The following LHX4 variants were observed in gnomAD, a reference collection of about 807,000 sequenced individuals.
The protein encoded by LHX4 is LIM/homeobox protein Lhx4.
A neutral mutation model predicts 39.2 loss-of-function variants in LHX4; 16 were observed. That is an observed-to-expected ratio of 0.41 (90% CI 0.28 to 0.62). The LOEUF (loss-of-function observed/expected upper bound fraction) is 0.62. Among genes scored for constraint, LHX4 ranks in the 20% least tolerant of loss-of-function variants. LHX4 has a pLI of 0.33. For synonymous variants in LHX4, 206 were observed against 198.1 expected, an observed-to-expected ratio of 1.04 and a Z score of -0.33; for missense variants, 439 against 511.9, an observed-to-expected ratio of 0.86 and a Z score of 1.37.
intron 1 of LHX4, among the ~76,000 whole-genome samples, chr1:180,246,706 G>C (rs1211457339): frequency 6.6e-6 from 1 of 152,150 alleles, no homozygotes; most frequent in Non-Finnish European, 1.5e-5. Flanking sequence ...GCAAGACTCT[G>C]TCTCAAAACA....
At chr1:180,230,001 C>T (rs1664134078), upstream of LHX4, among the ~76,000 whole-genome samples, 1 of 142,970 alleles carries the variant, frequency 7.0e-6, no homozygotes, top group African/African-American at 2.6e-5. This position sits in a 1 kb window ranked among gnomAD's most constrained non-coding sequence, Gnocchi z 5.8. Context: ...CCCCGCCCCG[C>T]TCCCTGCCGC....
chr1:180,229,923 G>A (rs1356720346), upstream of LHX4, among the ~76,000 whole-genome samples: 2 of 146,482 alleles, frequency 1.4e-5, no homozygotes, highest in Admixed American at 1.3e-4. Flanking sequence ...CCCAGGGCGC[G>A]AGCCCGCCAC....
intron 2 of LHX4, among the ~76,000 whole-genome samples, chr1:180,257,435 C>A (rs983017366): frequency 7.9e-5 from 12 of 152,134 alleles, no homozygotes; most frequent in Non-Finnish European, 1.6e-4. Context: ...GGGGCTGTGT[C>A]CCCAGCCCCC....
chr1:180,249,801 C>T (rs547179698), intron 2 of LHX4, among the ~76,000 whole-genome samples: 11 of 152,318 alleles, frequency 7.2e-5, no homozygotes, highest in African/African-American at 1.2e-4. Flanking sequence ...GGCTGCCTCC[C>T]CGCCTGTGTG....
chr1:180,274,638 A>G lies in LHX4; in HGVS notation c.*59A>G. ...GCTTGAGAGAATATCTTCAAGGATC[A>G]AAAGAGACTTGCCTTTTAAGGATCG... On this transcript the variant is annotated 3_prime_UTR_variant, in exon 6 of 6. Transcript: ENST00000263726. 6.7e-7 allele frequency: 1 copy of G among 1,484,936 alleles called. No homozygotes were observed. Among genetic ancestry groups the G allele is most frequent in the African/African-American group, 1.4e-5 (1 of 71,442 alleles). The allele number at this position is 1,484,936 out of a possible 1,614,324, so 92.0% of individuals were successfully genotyped here.
At position 180,230,565 on chromosome 1, in the gene LHX4, TGTC is replaced by T. The variant is rs753067543; in HGVS notation, c.37_39del (p.Val13del). On this transcript the variant is annotated inframe_deletion, in exon 1 of 6. Transcript: ENST00000263726. The surrounding 1 kb of genome is among the most constrained non-coding windows in gnomAD (Gnocchi z 5.8). ...GTGCGACTGTCCCCGCGGAAGGGGC[TGTC>T]AAGGGGCTCCCGGAGATGCTAGGTG... The T allele has an allele frequency of 2.7e-5, 44 of 1,613,834 alleles. 1 individual carries two copies. The highest frequency in any genetic ancestry group is 4.0e-5 in the African/African-American group (3 of 74,920).
At chr1:180,231,837 G>C (rs1331931260) in intron 1 of LHX4, among the ~76,000 whole-genome samples, 1 of 152,174 alleles carries the variant, frequency 6.6e-6, no homozygotes. Flanking sequence ...CAGGGTTTCT[G>C]TCCGGCGATC....
rs375216188 is a variant in LHX4 at position 180,272,004 on chromosome 1, G to A, written c.776G>A (p.Arg259Gln). ...CGVSDSELSF[R>Q]EDQILSELGH... The stretch of plus-strand genomic sequence containing the variant: ...GTTAGTGACAGTGAGCTGAGCTTCC[G>A]AGGTGAGCAGGGCTGGAGGGGCCAG... The change falls in exon 5 of 6, where the codon CGA (arginine) becomes CAA (glutamine). Residue 259 changes from arginine to glutamine, a missense_variant and splice_region_variant. By Grantham distance (43) the Arg-to-Gln change is conservative. Coordinates refer to ENST00000263726, the MANE Select transcript of LHX4 (RefSeq NM_033343.4). 94 of 1,611,998 alleles carry A rather than the reference G, an allele frequency of 5.8e-5. No homozygotes were observed. Among genetic ancestry groups the A allele is most frequent in the African/African-American group, 3.9e-4 (29 of 74,870 alleles).
chr1:180,252,516 T>C (rs947791547), intron 2 of LHX4, among the ~76,000 whole-genome samples: 1 of 152,160 alleles, frequency 6.6e-6, no homozygotes, highest in Non-Finnish European at 1.5e-5. Flanking sequence ...CCTAGCCCTG[T>C]TCAGAGGTGG....
chr1:180,266,982 A>G lies in LHX4; in HGVS notation c.451+388A>G, dbSNP rs1558220887. On this transcript the variant is annotated intron_variant, in intron 3 of 5. Transcript: ENST00000263726. The surrounding 1 kb of genome is among the most constrained non-coding windows in gnomAD (Gnocchi z 5.7). ...ACGTGGGGCTGCCGCTTAGTTTTGC[A>G]CATCAGGGTGCACATGGACCTCTCA... is the stretch of plus-strand genomic sequence containing the variant. Among the ~76,000 whole-genome samples the G allele has an allele frequency of 6.6e-6, 1 of 152,126 alleles. No homozygotes were observed. The highest frequency in any genetic ancestry group is 6.5e-5 in the Admixed American group (1 of 15,270).
At chr1:180,274,118 T>C (rs996423475) in intron 5 of LHX4, 67 bp from the exon 6 acceptor site, 11 of 1,590,740 alleles carry the variant, frequency 6.9e-6, no homozygotes, top group African/African-American at 5.4e-5. Flanking sequence ...TGTTCCTAGG[T>C]TGTGAAGAGC....
In LHX4 at chr1:180,232,093, CA is replaced by C. The variant is rs1664197306; in HGVS notation, c.76+1489del. ...CTACGCCCCACACCCCGCACACAGG[CA>C]GGGACAGAGTGGGTTCTCAGCCCCT... On this transcript the variant is annotated intron_variant, in intron 1 of 5. Transcript: ENST00000263726. This position sits in a 1 kb window ranked among gnomAD's most constrained non-coding sequence, Gnocchi z 5.4. Among the ~76,000 whole-genome samples the C allele has an allele frequency of 1.3e-5, 2 of 152,180 alleles. No homozygotes were observed. The highest frequency in any genetic ancestry group is 4.8e-5 in the African/African-American group (2 of 41,420).
rs576678600 is a variant in LHX4, at chr1:180,266,264, G to A, written c.249-128G>A. 1 of 856,740 alleles carries A rather than the reference G, an allele frequency of 1.2e-6. No individual in the cohort carries two copies. Among genetic ancestry groups the A allele is most frequent in the Admixed American group, 1.8e-5 (1 of 55,012 alleles). 53.1% of individuals were successfully genotyped at this position (856,740 alleles called of 1,614,324 possible). A position where few individuals can be genotyped will look rare whatever the true frequency, so the allele number is the denominator to read the frequency against. On this transcript the variant is annotated intron_variant, in intron 2 of 5. Coordinates refer to ENST00000263726, the MANE Select transcript of LHX4 (RefSeq NM_033343.4). The surrounding 1 kb of genome is among the most constrained non-coding windows in gnomAD (Gnocchi z 5.7). ...AGAGAGGACCAGACGGTAAGCTCTG[G>A]GTGACTGGGGGGTGAGGCTCATGGA...
chr1:180,257,635 A>G (rs1392299297), intron 2 of LHX4, among the ~76,000 whole-genome samples: 2 of 152,256 alleles, frequency 1.3e-5, no homozygotes, highest in Non-Finnish European at 2.9e-5. Context: ...TTTCCTGTCA[A>G]GTGTGGTGAT....
At position 180,278,232 on chromosome 1, in the gene LHX4, C is replaced by T. The variant is rs1265901503; in HGVS notation, c.*3653C>T. 4 of 152,154 alleles carry T rather than the reference C, an allele frequency of 2.6e-5. No individual in the cohort carries two copies. Among genetic ancestry groups the T allele is most frequent in the Admixed American group, 6.5e-5 (1 of 15,286 alleles). 9.4% of individuals were successfully genotyped at this position (152,154 alleles called of 1,614,324 possible). A position where few individuals can be genotyped will look rare whatever the true frequency, so the allele number is the denominator to read the frequency against. On this transcript the variant is annotated 3_prime_UTR_variant, in exon 6 of 6. Transcript: ENST00000263726. The stretch of plus-strand genomic sequence containing the variant: ...ACACTGCACTTTAAAAATTGGAAAC[C>T]GTGAGATGAAGAAAAATTCAATTAA...
At chr1:180,236,944 C>G (rs1008902601) in intron 1 of LHX4, among the ~76,000 whole-genome samples, 1 of 152,144 alleles carries the variant, frequency 6.6e-6, no homozygotes, top group Non-Finnish European at 1.5e-5. Flanking sequence ...GCCGTTGAGG[C>G]GATTTTACTT....
Position 180,230,665 on chromosome 1 carries a change from G to T in LHX4, c.76+60G>T. The T allele has an allele frequency of 6.6e-7, 1 of 1,515,730 alleles. No individual in the cohort carries two copies. The highest frequency in any genetic ancestry group is 2.3e-5 in the East Asian group (1 of 43,972). The allele number at this position is 1,515,730 out of a possible 1,614,324, so 93.9% of individuals were successfully genotyped here. On this transcript the variant is annotated intron_variant, in intron 1 of 5. Transcript: ENST00000263726. This position sits in a 1 kb window ranked among gnomAD's most constrained non-coding sequence, Gnocchi z 5.8. ...AACAAGACAGCTAGCAGCCTCAGCCGCTGCGGGGCGGGCCGGACGCCGCTC... is the reference window on the plus strand; with the variant it reads ...AACAAGACAGCTAGCAGCCTCAGCCTCTGCGGGGCGGGCCGGACGCCGCTC...
intron 2 of LHX4, among the ~76,000 whole-genome samples, chr1:180,255,274 A>G (rs1647798060): frequency 6.6e-6 from 1 of 152,222 alleles, no homozygotes; most frequent in South Asian, 2.1e-4. Flanking sequence ...TGAGCCACTT[A>G]TTATTTCTGA....
rs1438733953 is a variant in LHX4 at position 180,276,846 on chromosome 1, ATCC to A, written c.*2273_*2275del. On this transcript the variant is annotated 3_prime_UTR_variant, in exon 6 of 6. Coordinates refer to ENST00000263726, the MANE Select transcript of LHX4 (RefSeq NM_033343.4). ...CAGGCTTTTTAAAAGGGGGGGGGGCATCCTCCTCTGTGTAGCACTGTTTAAGAT... is the reference window on the plus strand; with the variant it reads ...CAGGCTTTTTAAAAGGGGGGGGGGCATCCTCTGTGTAGCACTGTTTAAGAT... 1 of 147,406 alleles carries A rather than the reference ATCC, an allele frequency of 6.8e-6. No homozygotes were observed. The highest frequency in any genetic ancestry group is 2.5e-5 in the African/African-American group (1 of 39,748). The allele number at this position is 147,406 out of a possible 1,614,324, so 9.1% of individuals were successfully genotyped here. A position where few individuals can be genotyped will look rare whatever the true frequency, so the allele number is the denominator to read the frequency against.
Sources: gnomAD v4.1 joint callset for allele counts (sites outside exome capture counted in the v4.1 genomes callset) on GRCh38, gnomAD v4.1.1 for gene constraint, Gnocchi (gnomAD v3.1) non-coding constraint, MANE v1.5 for transcripts, NCBI Gene and HGNC (gene_info 2026-07-23, HGNC 2026-07-21) for gene names.